Variants in PNPLA6 observed in about 807,000 individuals in gnomAD.
PNPLA6 encodes patatin like domain 6, lysophospholipase.
A neutral mutation model predicts 153.7 loss-of-function variants in PNPLA6; 105 were observed. The observed-to-expected ratio is 0.68, with a 90% CI of 0.58 to 0.80. PNPLA6 has a LOEUF of 0.80. Ranked by LOEUF, PNPLA6 falls within the 30% of genes least tolerant of loss-of-function variation. PNPLA6 has a pLI of 0.00. For synonymous variants in PNPLA6, 825 were observed against 822.2 expected (o/e 1.00, Z -0.06); for missense variants, 1,423 against 1,919.3 (o/e 0.74, Z 4.83).
At chr19:7,538,644 G>T (rs1264678711) in intron 3 of PNPLA6, among the ~76,000 whole-genome samples, 2 of 152,116 alleles carry the variant, frequency 1.3e-5, no homozygotes, top group Admixed American at 1.3e-4. Flanking sequence ...TAGCAGAGGG[G>T]CTATCTGGAT....
rs1365635541 is a variant in PNPLA6 at position 7,536,038 on chromosome 19, C to T, written c.232+18C>T. The stretch of plus-strand genomic sequence containing the variant: ...AGTGCCAAGTGAGCACCCGAGGGGC[C>T]CCTCTTGGGAGGCTGTATGGTGGGG... On this transcript the variant is annotated intron_variant, in intron 1 of 31. Coordinates refer to ENST00000600737, the MANE Select transcript of PNPLA6 (RefSeq NM_001166114.2). 6.3e-7 allele frequency: 1 copy of T among 1,577,090 alleles called. No homozygotes were observed. The highest frequency in any genetic ancestry group is 1.3e-5 in the African/African-American group (1 of 74,210).
upstream of PNPLA6, chr19:7,534,173 G>A (rs148263725): frequency 9.6e-4 from 361 of 376,722 alleles, 3 homozygotes; most frequent in African/African-American, 6.8e-3. Flanking sequence ...TAAAGGGGCC[G>A]TGCCTGCGGA....
chr19:7,560,905 A>G (rs2024070669), intron 29 of PNPLA6, 109 bp from the exon 30 acceptor site: 4 of 855,578 alleles, frequency 4.7e-6, no homozygotes, highest in African/African-American at 3.3e-5. Context: ...GACTTCAGAG[A>G]GTTCCCACCC....
intron 28 of PNPLA6, among the ~76,000 whole-genome samples, chr19:7,560,388 C>T (rs554082757): frequency 4.4e-4 from 67 of 152,242 alleles, no homozygotes; most frequent in African/African-American, 1.6e-3. Context: ...ACATCACCAC[C>T]TTGTGTTATT....
intron 10 of PNPLA6, 106 bp from the exon 11 acceptor site, chr19:7,542,455 C>G: frequency 1.2e-6 from 1 of 860,468 alleles, no homozygotes; most frequent in Non-Finnish European, 1.9e-6. Flanking sequence ...CAGCCCCAGC[C>G]TCCCAAATAG....
Position 7,555,907 on chromosome 19 carries a change from T to C in PNPLA6, c.3093+144T>C, listed in dbSNP as rs1267962859. On this transcript the variant is annotated intron_variant, in intron 24 of 31. Transcript: ENST00000600737. This position sits in a 1 kb window ranked among gnomAD's most constrained non-coding sequence, Gnocchi z 6.3. ...TATGATCCCCAGCTGTCCGGACTTT[T>C]ATAGATAAGCTTCTAGGACTCTGGG... The C allele has an allele frequency of 2.8e-5, 24 of 871,300 alleles. No individual in the cohort carries two copies. The Admixed American group carries it at 4.3e-4, about 16-fold the overall frequency. The allele number at this position is 871,300 out of a possible 1,614,324, so 54.0% of individuals were successfully genotyped here.
In PNPLA6 at chr19:7,535,732, G is replaced by C; in HGVS notation, c.-57G>C. The C allele has an allele frequency of 6.6e-7, 1 of 1,518,660 alleles. No homozygotes were observed. The highest frequency in any genetic ancestry group is 1.2e-5 in the South Asian group (1 of 82,966). The allele number at this position is 1,518,660 out of a possible 1,614,324, so 94.1% of individuals were successfully genotyped here. On this transcript the variant is annotated 5_prime_UTR_variant, in exon 1 of 32. Coordinates refer to ENST00000600737, the MANE Select transcript of PNPLA6 (RefSeq NM_001166114.2). The surrounding 1 kb of genome is among the most constrained non-coding windows in gnomAD (Gnocchi z 5.0). Reference sequence around the variant, plus strand: ...TTCCCGGCATGCACTGCGGGCCGCCGGGCCTCAGGGAAGAGTCGCGCCCCC... The same window carrying C: ...TTCCCGGCATGCACTGCGGGCCGCCCGGCCTCAGGGAAGAGTCGCGCCCCC...
In PNPLA6 at chr19:7,536,447, A is replaced by T. The variant is rs148045000; in HGVS notation, c.316-2A>T. 2.6e-5 allele frequency: 42 copies of T among 1,607,748 alleles called. No individual in the cohort carries two copies. Among genetic ancestry groups the T allele is most frequent in the Non-Finnish European group, 3.2e-5 (37 of 1,174,326 alleles). ...CACCCATCTCCGCCTTCATTCTCCC[A>T]GGTGTCACAATCCACCTCCTCCCTC... On this transcript the variant is annotated splice_acceptor_variant, in intron 2 of 31. Coordinates refer to ENST00000600737, the MANE Select transcript of PNPLA6 (RefSeq NM_001166114.2). LOFTEE classifies it high-confidence loss of function.
In PNPLA6 at chr19:7,560,662, G is replaced by A; in HGVS notation, c.3714G>A (p.Gln1238=). The A allele has an allele frequency of 6.2e-7, 1 of 1,612,964 alleles. No homozygotes were observed. The highest frequency in any genetic ancestry group is 2.2e-5 in the East Asian group (1 of 44,870). The change falls in exon 29 of 32, where the codon CAG becomes CAA. Residue 1238 remains glutamine (Q), a synonymous_variant. Transcript: ENST00000600737. ...KFDQIYDVGY[Q]YGKAVFGGWS... ...ATTTCCCACAGGATGTGGGCTACCA[G>A]TACGGGAAGGCGGTGTTTGGAGGCT...
rs1287175767 is a variant in PNPLA6, at chr19:7,542,092, A to G, written c.1252+25A>G. 1.9e-6 allele frequency: 3 copies of G among 1,579,854 alleles called. No homozygotes were observed. The African/African-American group carries it at 4.0e-5, about 21-fold the overall frequency. On this transcript the variant is annotated intron_variant, in intron 10 of 31. Transcript: ENST00000600737. Reference sequence around the variant, plus strand: ...GGTTTGGAGCACTGGGTCTGCGGGGAGGGCCATGGAGCTTCCAGGTTTGAA... The same window carrying G: ...GGTTTGGAGCACTGGGTCTGCGGGGGGGGCCATGGAGCTTCCAGGTTTGAA...
rs2023162174 is a variant in PNPLA6, at chr19:7,541,888, A to C, written c.1169-96A>C. ...CCAAGGGCCCATTGGAATTGCTTTA[A>C]CTAGTTAATCAGTCGCCAGCATCTC... On this transcript the variant is annotated intron_variant, in intron 9 of 31. Transcript: ENST00000600737. This position sits in a 1 kb window ranked among gnomAD's most constrained non-coding sequence, Gnocchi z 5.2. 1 of 1,216,930 alleles carries C rather than the reference A, an allele frequency of 8.2e-7. No individual in the cohort carries two copies. Among genetic ancestry groups the C allele is most frequent in the Admixed American group, 1.7e-5 (1 of 58,948 alleles). The allele number at this position is 1,216,930 out of a possible 1,614,324, so 75.4% of individuals were successfully genotyped here. A position where few individuals can be genotyped will look rare whatever the true frequency, so the allele number is the denominator to read the frequency against.
upstream of PNPLA6, chr19:7,535,111 T>C (rs969723332): frequency 4.0e-5 from 11 of 272,128 alleles, no homozygotes; most frequent in African/African-American, 1.7e-4. The surrounding 1 kb of genome is among the most constrained non-coding windows in gnomAD (Gnocchi z 5.0). Flanking sequence ...GTGGTCAGGC[T>C]TGATCAACCC....
At chr19:7,549,591 C>G in intron 13 of PNPLA6, 1 of 416,078 alleles carries the variant, frequency 2.4e-6, no homozygotes, top group Non-Finnish European at 4.5e-6. Context: ...CAGGTTCAGG[C>G]AATTCTCTTG....
Position 7,555,474 on chromosome 19 carries a change from C to T in PNPLA6, c.2936+107C>T, listed in dbSNP as rs1259214356. The stretch of plus-strand genomic sequence containing the variant: ...CCTGGGTGTTCGAGGGTGGAGCTTC[C>T]CCTCCGGGAGAGACCCCGTGGGTAG... On this transcript the variant is annotated intron_variant, in intron 23 of 31. Coordinates refer to ENST00000600737, the MANE Select transcript of PNPLA6 (RefSeq NM_001166114.2). This position sits in a 1 kb window ranked among gnomAD's most constrained non-coding sequence, Gnocchi z 6.3. The T allele has an allele frequency of 2.2e-6, 3 of 1,353,198 alleles. No individual in the cohort carries two copies. The East Asian group carries it at 7.4e-5, about 33-fold the overall frequency. 83.8% of individuals were successfully genotyped at this position (1,353,198 alleles called of 1,614,324 possible).
At chr19:7,560,410 A>C (rs996165039) in intron 28 of PNPLA6, among the ~76,000 whole-genome samples, 13 of 152,114 alleles carry the variant, frequency 8.5e-5, no homozygotes, top group Non-Finnish European at 1.6e-4. Context: ...GCTACCCAGC[A>C]CCCTGCATGG....
Position 7,540,796 on chromosome 19 carries a change from A to T in PNPLA6, c.795+86A>T. ...GTTGAAGGAAATCACAGGGTCCCCA[A>T]TCTCTGGTTCATCCGTTATGCTGCC... On this transcript the variant is annotated intron_variant, in intron 6 of 31. Coordinates refer to ENST00000600737, the MANE Select transcript of PNPLA6 (RefSeq NM_001166114.2). This position sits in a 1 kb window ranked among gnomAD's most constrained non-coding sequence, Gnocchi z 6.8. 1 of 1,549,188 alleles carries T rather than the reference A, an allele frequency of 6.5e-7. No homozygotes were observed. Among genetic ancestry groups the T allele is most frequent in the Non-Finnish European group, 8.9e-7 (1 of 1,121,092 alleles).
In PNPLA6 at chr19:7,541,321, C is replaced by T; in HGVS notation, c.925-33C>T. ...ATCTGGCCCTGCCCCTTACCCCGCC[C>T]CATCTTATGGCCACGCCCCTCGAGC... is the stretch of plus-strand genomic sequence containing the variant. On this transcript the variant is annotated intron_variant, in intron 7 of 31. Transcript: ENST00000600737. This position sits in a 1 kb window ranked among gnomAD's most constrained non-coding sequence, Gnocchi z 5.2. 1 of 1,595,312 alleles carries T rather than the reference C, an allele frequency of 6.3e-7. No homozygotes were observed. The highest frequency in any genetic ancestry group is 8.6e-7 in the Non-Finnish European group (1 of 1,164,546).
intron 3 of PNPLA6, among the ~76,000 whole-genome samples, chr19:7,538,825 C>T (rs1466088948): frequency 6.6e-6 from 1 of 152,194 alleles, no homozygotes; most frequent in African/African-American, 2.4e-5. Flanking sequence ...GGCATACTCA[C>T]GTTAAGGGGA....
chr19:7,535,959 A>C lies in PNPLA6; in HGVS notation c.171A>C (p.Gly57=), dbSNP rs140825810. ...TGCTTGGCGTGATGATCGGGGCCGG[A>C]GTGGCGGTGGTGGTCACGGCCGTGC... The part of the protein sequence containing the change: ...PQVLGVMIGA[G]VAVVVTAVLI... Residue 57 remains glycine (G), a synonymous_variant, in exon 1 of 32, where the codon GGA becomes GGC. Transcript: ENST00000600737. The surrounding 1 kb of genome is among the most constrained non-coding windows in gnomAD (Gnocchi z 5.0). 1.0e-4 allele frequency: 158 copies of C among 1,585,170 alleles called. No individual in the cohort carries two copies. The African/African-American group carries it at 1.9e-3, about 19-fold the overall frequency.
Sources: allele counts gnomAD v4.1 joint callset (sites outside exome capture counted in the v4.1 genomes callset), GRCh38; gene constraint gnomAD v4.1.1; non-coding constraint Gnocchi (gnomAD v3.1); transcripts MANE v1.5; gene names NCBI Gene and HGNC (gene_info 2026-07-23, HGNC 2026-07-21).